The following ELP3 variants were observed in gnomAD, a reference collection of about 807,000 sequenced individuals.
ELP3 encodes elongator acetyltransferase complex subunit 3, also known as elongator complex protein 3.
ELP3 carries 56 observed loss-of-function variants against 74.9 expected under a neutral mutation model. The ratio of observed to expected loss-of-function variants is 0.75; its 90% CI spans 0.60 to 0.93. The LOEUF (loss-of-function observed/expected upper bound fraction) is 0.93. ELP3 is among the 40% of genes least tolerant of loss of function. ELP3 has a pLI of 0.00. For missense variants in ELP3, 573 were observed against 686.5 expected (o/e 0.83, Z 1.85); for synonymous variants, 222 against 239.8 (o/e 0.93, Z 0.68).
chr8:28,125,782 T>TC (rs1812551615), intron 7 of ELP3, among the ~76,000 whole-genome samples: 3 of 113,318 alleles, frequency 2.6e-5, no homozygotes, highest in Admixed American at 9.6e-5. Flanking sequence ...TTTTTTTTTT[T>TC]CTGTATGTCT....
intron 12 of ELP3, among the ~76,000 whole-genome samples, chr8:28,159,820 G>T (rs1813995980): frequency 6.6e-6 from 1 of 152,162 alleles, no homozygotes; most frequent in African/African-American, 2.4e-5. Context: ...ATAAGGACTA[G>T]AAGATGAAAC....
chr8:28,181,648 C>T (rs565937230), intron 14 of ELP3, among the ~76,000 whole-genome samples: 15 of 152,296 alleles, frequency 9.8e-5, no homozygotes, highest in Admixed American at 2.0e-4. Flanking sequence ...TGCTTTCCCA[C>T]GAAGACTAGA....
chr8:28,109,326 ATC>A (rs2130385260), intron 5 of ELP3, among the ~76,000 whole-genome samples: 2 of 152,152 alleles, frequency 1.3e-5, no homozygotes, highest in South Asian at 4.2e-4. Context: ...TTTTTCTCAT[ATC>A]TGTTTTCATT....
At chr8:28,105,795 C>T (rs1811665204) in intron 3 of ELP3, among the ~76,000 whole-genome samples, 1 of 152,188 alleles carries the variant, frequency 6.6e-6, no homozygotes, top group African/African-American at 2.4e-5. Flanking sequence ...GGCTTGCTTT[C>T]ACTTTTGTAA....
intron 7 of ELP3, among the ~76,000 whole-genome samples, chr8:28,125,218 T>C (rs1401070044): frequency 6.6e-6 from 1 of 152,236 alleles, no homozygotes; most frequent in Non-Finnish European, 1.5e-5. Context: ...CTGACTTGTT[T>C]TGGGACCGTA....
At chr8:28,140,646 G>A (rs956175779) in intron 10 of ELP3, among the ~76,000 whole-genome samples, 22 of 152,240 alleles carry the variant, frequency 1.4e-4, no homozygotes, top group Admixed American at 1.0e-3. Context: ...TCATTTCAGC[G>A]CTCACACTGG....
chr8:28,120,235 A>G (rs1338753959), intron 7 of ELP3, among the ~76,000 whole-genome samples: 6 of 152,260 alleles, frequency 3.9e-5, no homozygotes, highest in Middle Eastern at 3.4e-3. Flanking sequence ...CCACATCTTC[A>G]CCAACATATG....
chr8:28,093,469 T>G, intron 1 of ELP3: 1 of 593,862 alleles, frequency 1.7e-6, no homozygotes, highest in Non-Finnish European at 3.0e-6. Context: ...GTGTCTTGTT[T>G]GAATGGCAGG....
At chr8:28,148,158 G>A (rs1004002720) in intron 10 of ELP3, among the ~76,000 whole-genome samples, 2 of 152,128 alleles carry the variant, frequency 1.3e-5, no homozygotes, top group Non-Finnish European at 2.9e-5. Context: ...ACTACTAATA[G>A]CATTTACATT....
chr8:28,153,986 T>C (rs933851692), intron 10 of ELP3, among the ~76,000 whole-genome samples: 1 of 152,188 alleles, frequency 6.6e-6, no homozygotes, highest in South Asian at 2.1e-4. Flanking sequence ...TCTTCTTAAT[T>C]AACTAAGGAT....
At chr8:28,116,474 T>C (rs1446019879) in intron 7 of ELP3, among the ~76,000 whole-genome samples, 1 of 152,232 alleles carries the variant, frequency 6.6e-6, no homozygotes, top group Non-Finnish European at 1.5e-5. Flanking sequence ...GCGTAGTGGC[T>C]CACGCCTGTA....
chr8:28,127,047 C>G (rs1812603268), intron 7 of ELP3, among the ~76,000 whole-genome samples: 1 of 151,860 alleles, frequency 6.6e-6, no homozygotes, highest in African/African-American at 2.4e-5. Flanking sequence ...TTTTTTTCTT[C>G]CACCATTTCT....
Position 28,177,899 on chromosome 8 carries a change from T to A in ELP3, c.1568-11750T>A, listed in dbSNP as rs190938096. The stretch of plus-strand genomic sequence containing the variant: ...GATCAATTAAACTTATTTCTTCCTC[T>A]GTTACATCACATTAATAATTCCACG... On this transcript the variant is annotated intron_variant, in intron 14 of 14. Coordinates refer to ENST00000256398, the MANE Select transcript of ELP3 (RefSeq NM_018091.6). Among the ~76,000 whole-genome samples the A allele has an allele frequency of 2.0e-5, 3 of 152,372 alleles. No individual in the cohort carries two copies. The East Asian group carries it at 5.8e-4, about 29-fold the overall frequency.
intron 10 of ELP3, among the ~76,000 whole-genome samples, chr8:28,143,136 T>G (rs1456859017): frequency 6.6e-6 from 1 of 152,254 alleles, no homozygotes; most frequent in Non-Finnish European, 1.5e-5. Flanking sequence ...TAACAGCCAC[T>G]GAAATCACTG....
At chr8:28,138,874 T>C (rs1339792910) in intron 10 of ELP3, among the ~76,000 whole-genome samples, 1 of 152,232 alleles carries the variant, frequency 6.6e-6, no homozygotes, top group East Asian at 1.9e-4. Flanking sequence ...TCTCTATTTT[T>C]AAAAATACAC....
intron 10 of ELP3, among the ~76,000 whole-genome samples, chr8:28,146,249 T>C (rs1380908882): frequency 1.3e-5 from 2 of 152,240 alleles, no homozygotes; most frequent in Non-Finnish European, 2.9e-5. Flanking sequence ...AGACACATGA[T>C]GGAGCCATAT....
intron 10 of ELP3, among the ~76,000 whole-genome samples, chr8:28,150,020 T>C (rs1443407464): frequency 2.0e-5 from 3 of 152,220 alleles, no homozygotes; most frequent in Non-Finnish European, 4.4e-5. Flanking sequence ...TGAATTCACT[T>C]TCAAATAACA....
chr8:28,134,999 G>A (rs1305755216), intron 9 of ELP3, among the ~76,000 whole-genome samples: 1 of 151,774 alleles, frequency 6.6e-6, no homozygotes, highest in Non-Finnish European at 1.5e-5. Context: ...CACGATCTTG[G>A]CTCACTGCAA....
At chr8:28,097,870 G>T (rs1336276467) in intron 2 of ELP3, among the ~76,000 whole-genome samples, 1 of 152,186 alleles carries the variant, frequency 6.6e-6, no homozygotes, top group Non-Finnish European at 1.5e-5. Context: ...CACTTGACAG[G>T]TGGGTAATCT....
Sources: gnomAD v4.1 joint callset for allele counts (sites outside exome capture counted in the v4.1 genomes callset) on GRCh38, gnomAD v4.1.1 for gene constraint, MANE v1.5 for transcripts, NCBI Gene and HGNC (gene_info 2026-07-23, HGNC 2026-07-21) for gene names.